The following ERCC1 variants were observed in gnomAD, a reference collection of about 807,000 sequenced individuals.
The protein encoded by ERCC1 is ERCC excision repair 1, endonuclease non-catalytic subunit.
Under a neutral mutation model 37.6 loss-of-function variants are expected in ERCC1, and 36 were observed. That is an observed-to-expected ratio of 0.96 (90% CI 0.73 to 1.26). The LOEUF (loss-of-function observed/expected upper bound fraction) is 1.26, where lower values mean the gene tolerates loss of function less well. Among genes scored for constraint, ERCC1 ranks in the 50% most tolerant of loss-of-function variants. ERCC1 has a pLI of 0.00. For synonymous variants in ERCC1, 156 were observed against 162.1 expected, an observed-to-expected ratio of 0.96 and a Z score of 0.28; for missense variants, 349 against 376.5, an observed-to-expected ratio of 0.93 and a Z score of 0.60.
At position 45,438,269 on chromosome 19, in the gene ERCC1, C is replaced by T. The variant is rs146956458; in HGVS notation, c.-7-14888G>A. Among the ~76,000 whole-genome samples the T allele has an allele frequency of 2.6e-3, 390 of 152,202 alleles. 2 individuals carry two copies. Among genetic ancestry groups the T allele is most frequent in the African/African-American group, 8.9e-3 (371 of 41,508 alleles). ...TTTTTGTAGAGATGGCATCTCACTACATTGCCCAGATTAGTCTCCAACTCC... is the reference window on the plus strand; with the variant it reads ...TTTTTGTAGAGATGGCATCTCACTATATTGCCCAGATTAGTCTCCAACTCC... On this transcript the variant is annotated intron_variant, in intron 1 of 8. Transcript: ENST00000423698.
Position 45,420,470 on chromosome 19 carries a change from C to T in ERCC1, c.322-43G>A, listed in dbSNP as rs769875247. ...GCAGAAGCCATCAATAGGGATGACC[C>T]TTGATAACCACAGGGCCCTCCTCCA... is the stretch of plus-strand genomic sequence containing the variant. On this transcript the variant is annotated intron_variant, in intron 3 of 9. Transcript: ENST00000300853. This position sits in a 1 kb window ranked among gnomAD's most constrained non-coding sequence, Gnocchi z 4.8. The T allele has an allele frequency of 1.6e-5, 20 of 1,289,500 alleles. No individual in the cohort carries two copies. The African/African-American group carries it at 2.5e-4, about 16-fold the overall frequency. The allele number at this position is 1,289,500 out of a possible 1,614,324, so 79.9% of individuals were successfully genotyped here. A position where few individuals can be genotyped will look rare whatever the true frequency, so the allele number is the denominator to read the frequency against.
At chr19:45,410,814 GTT>G (rs566117468) in intron 9 of ERCC1, 1 of 151,062 alleles carries the variant, frequency 6.6e-6, no homozygotes, top group Non-Finnish European at 1.5e-5. Flanking sequence ...AGGATCTCAT[GTT>G]TTTTTTGTTT....
intron 1 of ERCC1, among the ~76,000 whole-genome samples, chr19:45,440,882 C>A (rs548189567): frequency 6.6e-6 from 1 of 152,194 alleles, no homozygotes; most frequent in Non-Finnish European, 1.5e-5. Context: ...TACAGGTGTG[C>A]ACCAGCACAC....
intron 2 of ERCC1, among the ~76,000 whole-genome samples, chr19:45,422,318 C>T (rs1974485408): frequency 6.6e-6 from 1 of 152,112 alleles, no homozygotes; most frequent in South Asian, 2.1e-4. Context: ...CACCAGACTT[C>T]GTTCTGCCCT....
In ERCC1 at chr19:45,408,555, C is replaced by T; in HGVS notation, c.*1120G>A. 2.5e-6 allele frequency: 4 copies of T among 1,613,852 alleles called. No individual in the cohort carries two copies. Among genetic ancestry groups the T allele is most frequent in the African/African-American group, 1.3e-5 (1 of 74,988 alleles). On this transcript the variant is annotated 3_prime_UTR_variant, in exon 10 of 10. Transcript: ENST00000300853. ...CAGGAGGCAGTGAATGGGCACGGGG[C>T]CCTGGAGGTGGACATGGCTTTGGGG...
intron 1 of ERCC1, 63 bp from the exon 2 acceptor site, chr19:45,423,444 G>GA (rs1375662364): frequency 7.8e-6 from 12 of 1,542,232 alleles, no homozygotes; most frequent in Middle Eastern, 1.8e-4. Context: ...CCCGCAGCAG[G>GA]AACCCCCCAC....
chr19:45,416,881 G>T lies in ERCC1; in HGVS notation c.542C>A (p.Ala181Asp). ...VQVDVKDPQQ[A>D]LKELAKMCIL... The stretch of plus-strand genomic sequence containing the variant: ...ACACATCTTAGCCAGCTCCTTGAGG[G>T]CCTGCTGGGGATCTTTCTGGAGGAG... Residue 181 changes from alanine to aspartate, a missense_variant, in exon 6 of 10, where the codon GCC becomes GAC. Physicochemically the swap from Ala to Asp is moderately radical, Grantham distance 126. Coordinates refer to ENST00000300853, the MANE Select transcript of ERCC1 (RefSeq NM_001983.4). 1 of 1,612,832 alleles carries T rather than the reference G, an allele frequency of 6.2e-7. No homozygotes were observed. Among genetic ancestry groups the T allele is most frequent in the Non-Finnish European group, 8.5e-7 (1 of 1,178,986 alleles).
chr19:45,427,033 G>A (rs1030250816), upstream of ERCC1, among the ~76,000 whole-genome samples: 5 of 151,812 alleles, frequency 3.3e-5, no homozygotes, highest in African/African-American at 1.2e-4. Flanking sequence ...GGAGGCTGAG[G>A]AGGGAGAATT....
rs751736790 is a variant in ERCC1, at chr19:45,409,508, C to T, written c.*167G>A. The T allele has an allele frequency of 1.3e-6, 2 of 1,599,420 alleles. No individual in the cohort carries two copies. The highest frequency in any genetic ancestry group is 2.7e-5 in the African/African-American group (2 of 74,626). ...GCAGCAGCAGCCTGTGTAGTCTGCCCCCGGGAAACTGAGGAACTAAAGAAA... is the reference window on the plus strand; with the variant it reads ...GCAGCAGCAGCCTGTGTAGTCTGCCTCCGGGAAACTGAGGAACTAAAGAAA... On this transcript the variant is annotated 3_prime_UTR_variant, in exon 10 of 10. Coordinates refer to ENST00000300853, the MANE Select transcript of ERCC1 (RefSeq NM_001983.4).
upstream of ERCC1, among the ~76,000 whole-genome samples, chr19:45,426,378 CAAAAAA>C (rs71173164): frequency 1.8e-5 from 1 of 55,394 alleles, no homozygotes; most frequent in Non-Finnish European, 3.6e-5. Context: ...GACTCTGTCT[CAAAAAA>C]AAAAAAAAAA....
chr19:45,445,123 TCTC>T (rs1966902463), intron 1 of ERCC1, among the ~76,000 whole-genome samples: 1 of 152,132 alleles, frequency 6.6e-6, no homozygotes, highest in Non-Finnish European at 1.5e-5. Context: ...TTCAAGCAAT[TCTC>T]CTGCCTCAGC....
chr19:45,428,078 TC>T (rs1974740885), upstream of ERCC1, among the ~76,000 whole-genome samples: 3 of 138,030 alleles, frequency 2.2e-5, no homozygotes, highest in African/African-American at 9.4e-5. Flanking sequence ...TTTCTTTCTT[TC>T]TTTCTTTTTT....
chr19:45,444,680 C>A (rs1975215288), intron 1 of ERCC1, among the ~76,000 whole-genome samples: 1 of 152,152 alleles, frequency 6.6e-6, no homozygotes, highest in Non-Finnish European at 1.5e-5. Flanking sequence ...ACTGTCGGGG[C>A]GCAGAGATAT....
rs1973473427 is a variant in ERCC1 at position 45,408,315 on chromosome 19, G to C, written c.*1360C>G. The C allele has an allele frequency of 6.2e-7, 1 of 1,610,790 alleles. No homozygotes were observed. The highest frequency in any genetic ancestry group is 1.3e-5 in the African/African-American group (1 of 74,982). On this transcript the variant is annotated 3_prime_UTR_variant, in exon 10 of 10. Coordinates refer to ENST00000300853, the MANE Select transcript of ERCC1 (RefSeq NM_001983.4). ...GCCTCAGCCCCCCAGGGCACCCTAAGGATCCTTGAGGGTCCCCAGCAATCC... is the reference window on the plus strand; with the variant it reads ...GCCTCAGCCCCCCAGGGCACCCTAACGATCCTTGAGGGTCCCCAGCAATCC...
rs543015311 is a variant in ERCC1, at chr19:45,420,769, C to T, written c.322-342G>A. Among the ~76,000 whole-genome samples, 1 of 152,196 alleles carries T rather than the reference C, an allele frequency of 6.6e-6. No homozygotes were observed. The highest frequency in any genetic ancestry group is 2.1e-4 in the South Asian group (1 of 4,828). On this transcript the variant is annotated intron_variant, in intron 3 of 9. Transcript: ENST00000300853. The surrounding 1 kb of genome is among the most constrained non-coding windows in gnomAD (Gnocchi z 4.8). ...GCGTGTCCTGTGGTCCTGAACACTT[C>T]CTGCCCTCACGCCCAGCAACTTTTT...
chr19:45,408,411 G>T lies in ERCC1; in HGVS notation c.*1264C>A. On this transcript the variant is annotated 3_prime_UTR_variant, in exon 10 of 10. Coordinates refer to ENST00000300853, the MANE Select transcript of ERCC1 (RefSeq NM_001983.4). ...CAGATCCCTCCTGGCCTGAGGCCTCGGTTCTGTGCCTTTGGGGGCAACCCA... is the reference window on the plus strand; with the variant it reads ...CAGATCCCTCCTGGCCTGAGGCCTCTGTTCTGTGCCTTTGGGGGCAACCCA... 6.2e-7 allele frequency: 1 copy of T among 1,613,466 alleles called. No homozygotes were observed. Among genetic ancestry groups the T allele is most frequent in the African/African-American group, 1.3e-5 (1 of 75,062 alleles).
Position 45,441,677 on chromosome 19 carries a change from AT to A in ERCC1, c.-7-18297del, listed in dbSNP as rs772257774. ...GGCGTAAGCCACTGCGTCCAGCCTAATTTTTTTTTTTTTTTTCTGAGACGGA... is the reference window on the plus strand; with the variant it reads ...GGCGTAAGCCACTGCGTCCAGCCTAATTTTTTTTTTTTTTTCTGAGACGGA... On this transcript the variant is annotated intron_variant, in intron 1 of 8. Transcript: ENST00000423698. Among the ~76,000 whole-genome samples the A allele has an allele frequency of 3.8e-3, 470 of 122,960 alleles. 1 individual carries two copies. The highest frequency in any genetic ancestry group is 7.0e-3 in the African/African-American group (229 of 32,904). 80.7% of individuals were successfully genotyped at this position (122,960 alleles called of 152,430 possible). A position where few individuals can be genotyped will look rare whatever the true frequency, so the allele number is the denominator to read the frequency against.
chr19:45,409,888 TATTATTA>T (rs998291080), intron 9 of ERCC1, 163 bp from the exon 10 acceptor site: 3 of 256,452 alleles, frequency 1.2e-5, no homozygotes, highest in African/African-American at 8.2e-5. Flanking sequence ...TTATTATTAT[TATTATTA>T]TTTTTTTTTT....
intron 2 of ERCC1, among the ~76,000 whole-genome samples, chr19:45,422,578 C>T (rs1974503964): frequency 1.3e-5 from 2 of 151,994 alleles, no homozygotes; most frequent in South Asian, 2.1e-4. Context: ...CCAGCCTGAC[C>T]AACATGGTGA....
Sources: allele counts gnomAD v4.1 joint callset (sites outside exome capture counted in the v4.1 genomes callset), GRCh38; gene constraint gnomAD v4.1.1; non-coding constraint Gnocchi (gnomAD v3.1); transcripts MANE v1.5; gene names NCBI Gene and HGNC (gene_info 2026-07-23, HGNC 2026-07-21).